B3GLCT: variants seen among roughly 807,000 people sequenced by gnomAD.
The protein encoded by B3GLCT is beta-1,3-glucosyltransferase.
Under a neutral mutation model 63.4 loss-of-function variants are expected in B3GLCT, and 65 were observed. The observed-to-expected ratio is 1.03, with a 90% CI of 0.84 to 1.26. The LOEUF is 1.26. B3GLCT is among the 50% of genes most tolerant of loss of function. B3GLCT has a pLI of 0.00. For missense variants in B3GLCT, 577 were observed against 604.8 expected, an observed-to-expected ratio of 0.95 and a Z score of 0.48; for synonymous variants, 233 against 219.2, an observed-to-expected ratio of 1.06 and a Z score of -0.55.
At chr13:31,213,774 A>T (rs2137744171) in intron 1 of B3GLCT, among the ~76,000 whole-genome samples, 1 of 152,032 alleles carries the variant, frequency 6.6e-6, no homozygotes, top group Middle Eastern at 3.4e-3. Flanking sequence ...GTGGATAAGG[A>T]GGGTGTGGAA....
intron 3 of B3GLCT, among the ~76,000 whole-genome samples, chr13:31,228,372 AG>A (rs1284901179): frequency 1.3e-5 from 2 of 152,234 alleles, no homozygotes; most frequent in African/African-American, 4.8e-5. Context: ...ACATTCTTGA[AG>A]TAGTGTAGTA....
chr13:31,202,238 C>T (rs759980550), intron 1 of B3GLCT, among the ~76,000 whole-genome samples: 5 of 152,166 alleles, frequency 3.3e-5, no homozygotes, highest in South Asian at 2.1e-4. Flanking sequence ...AGAGAAAAGT[C>T]AATATAGAAA....
intron 7 of B3GLCT, among the ~76,000 whole-genome samples, chr13:31,265,677 T>G (rs1326204642): frequency 6.6e-6 from 1 of 152,252 alleles, no homozygotes; most frequent in Admixed American, 6.5e-5. Flanking sequence ...GAAATTTTCA[T>G]TAACTACCAA....
In B3GLCT at chr13:31,223,002, AT is replaced by A. The variant is rs752091076; in HGVS notation, c.160+19del. 1.2e-5 allele frequency: 18 copies of A among 1,471,886 alleles called. No homozygotes were observed. The highest frequency in any genetic ancestry group is 1.7e-5 in the Non-Finnish European group (18 of 1,051,650). The allele number at this position is 1,471,886 out of a possible 1,614,324, so 91.2% of individuals were successfully genotyped here. The stretch of plus-strand genomic sequence containing the variant: ...GGAAAAATGACATAGGTAAGTAATG[AT>A]TTTTTTTACCTAAGAGTGTGTACTT... On this transcript the variant is annotated intron_variant, in intron 3 of 14. Coordinates refer to ENST00000343307, the MANE Select transcript of B3GLCT (RefSeq NM_194318.4).
At position 31,316,264 on chromosome 13, in the gene B3GLCT, G is replaced by A. The variant is rs563761629; in HGVS notation, c.1065-1302G>A. ...TCTGTGCACCTTGGAAAAGCCGCAA[G>A]CACTTAATACCAGCCTGTGAAAGCA... On this transcript the variant is annotated intron_variant, in intron 12 of 14. Transcript: ENST00000343307. Among the ~76,000 whole-genome samples, 15 of 151,264 alleles carry A rather than the reference G, an allele frequency of 9.9e-5. No homozygotes were observed. In the South Asian group the frequency reaches 3.1e-3, roughly 32 times the overall value.
intron 3 of B3GLCT, among the ~76,000 whole-genome samples, chr13:31,226,674 A>T (rs917665453): frequency 6.6e-6 from 1 of 151,984 alleles, no homozygotes. Flanking sequence ...GGCCCAAGCA[A>T]TCCTCCCACT....
chr13:31,264,980 A>G (rs1872218892), intron 7 of B3GLCT, among the ~76,000 whole-genome samples: 1 of 152,188 alleles, frequency 6.6e-6, no homozygotes, highest in Admixed American at 6.5e-5. Flanking sequence ...TCTAGCCTAT[A>G]GTACACAGAA....
At chr13:31,252,223 A>G (rs770583020) in intron 6 of B3GLCT, among the ~76,000 whole-genome samples, 1 of 152,236 alleles carries the variant, frequency 6.6e-6, no homozygotes, top group Non-Finnish European at 1.5e-5. Flanking sequence ...AGGAAGCAGT[A>G]AGCATGGAAA....
chr13:31,324,922 G>T lies in B3GLCT; in HGVS notation c.1329+1027G>T, dbSNP rs184675703. On this transcript the variant is annotated intron_variant, in intron 14 of 14. Transcript: ENST00000343307. ...GGGTCTTACTATGTTGCCCAGACTGGTTTCAAACTGCTGGACTCAAGCGAT... is the reference window on the plus strand; with the variant it reads ...GGGTCTTACTATGTTGCCCAGACTGTTTTCAAACTGCTGGACTCAAGCGAT... Among the ~76,000 whole-genome samples, 158 of 152,108 alleles carry T rather than the reference G, an allele frequency of 1.0e-3. 2 individuals carry two copies. In the East Asian group the frequency reaches 0.011, roughly 10 times the overall value.
At chr13:31,211,306 G>C (rs544215991) in intron 1 of B3GLCT, among the ~76,000 whole-genome samples, 1 of 152,280 alleles carries the variant, frequency 6.6e-6, no homozygotes, top group East Asian at 1.9e-4. Context: ...AGGTAGGAGA[G>C]AATCGCTTGA....
chr13:31,320,124 A>T (rs1875262048), intron 13 of B3GLCT, among the ~76,000 whole-genome samples: 1 of 152,074 alleles, frequency 6.6e-6, no homozygotes, highest in Admixed American at 6.5e-5. Context: ...TGTTGTCCAC[A>T]CTGTAGTCAA....
At chr13:31,242,456 T>A (rs1470960303) in intron 4 of B3GLCT, among the ~76,000 whole-genome samples, 1 of 152,246 alleles carries the variant, frequency 6.6e-6, no homozygotes, top group Non-Finnish European at 1.5e-5. Flanking sequence ...TATTGCAAAA[T>A]TGATATTGTT....
At chr13:31,253,007 A>G (rs1435996855) in intron 6 of B3GLCT, among the ~76,000 whole-genome samples, 1 of 152,226 alleles carries the variant, frequency 6.6e-6, no homozygotes, top group East Asian at 1.9e-4. Flanking sequence ...ATCATAACAA[A>G]CAGTCTCTCA....
intron 12 of B3GLCT, chr13:31,312,891 A>ACTCT (rs1283301419): frequency 1.3e-5 from 2 of 152,196 alleles, no homozygotes; most frequent in African/African-American, 4.8e-5. Context: ...TTTTTACACC[A>ACTCT]CTCTTATTAC....
chr13:31,209,382 T>C lies in B3GLCT; in HGVS notation c.71-5669T>C, dbSNP rs550834975. Among the ~76,000 whole-genome samples the C allele has an allele frequency of 1.3e-3, 196 of 152,314 alleles. 1 individual carries two copies. Among genetic ancestry groups the C allele is most frequent in the Admixed American group, 4.0e-3 (61 of 15,300 alleles). On this transcript the variant is annotated intron_variant, in intron 1 of 14. Transcript: ENST00000343307. ...GGAGCTTAAGGCCCCCTGGAGGACC[T>C]GGAATTAATCCTGGAAAGCTCCACG...
intron 13 of B3GLCT, among the ~76,000 whole-genome samples, chr13:31,321,620 G>A (rs1187994827): frequency 6.6e-6 from 1 of 152,198 alleles, no homozygotes; most frequent in Non-Finnish European, 1.5e-5. Flanking sequence ...TCACAGTCCA[G>A]TAAGTTTTTG....
intron 1 of B3GLCT, among the ~76,000 whole-genome samples, chr13:31,205,606 C>T (rs1868911359): frequency 1.3e-5 from 2 of 152,054 alleles, no homozygotes; most frequent in Non-Finnish European, 2.9e-5. Flanking sequence ...CCAGGCTGGA[C>T]CTGAACTCCT....
intron 1 of B3GLCT, among the ~76,000 whole-genome samples, chr13:31,212,448 T>C (rs1442589628): frequency 6.6e-6 from 1 of 151,990 alleles, no homozygotes; most frequent in Non-Finnish European, 1.5e-5. Flanking sequence ...CTAATTTTTG[T>C]ATTTTTAGTA....
chr13:31,227,483 T>G (rs1214853291), intron 3 of B3GLCT, among the ~76,000 whole-genome samples: 1 of 152,216 alleles, frequency 6.6e-6, no homozygotes, highest in Non-Finnish European at 1.5e-5. Flanking sequence ...CCCATTTAAG[T>G]CTTACCCATG....
Sources: gnomAD v4.1 joint callset for allele counts (sites outside exome capture counted in the v4.1 genomes callset) on GRCh38, gnomAD v4.1.1 for gene constraint, MANE v1.5 for transcripts, NCBI Gene and HGNC (gene_info 2026-07-23, HGNC 2026-07-21) for gene names.